The following DSC1 variants were observed in gnomAD, a reference collection of about 807,000 sequenced individuals.
DSC1 encodes desmocollin 1.
A neutral mutation model predicts 98.8 loss-of-function variants in DSC1; 79 were observed. That is an observed-to-expected ratio of 0.80 (90% CI 0.67 to 0.96). The LOEUF is 0.96. DSC1 is among the 50% of genes least tolerant of loss of function. DSC1 has a pLI of 0.00. For synonymous variants in DSC1, 405 were observed against 372.1 expected, an observed-to-expected ratio of 1.09 and a Z score of -1.02; for missense variants, 1,115 against 1,075.9, an observed-to-expected ratio of 1.04 and a Z score of -0.51.
intron 11 of DSC1, among the ~76,000 whole-genome samples, chr18:31,137,399 C>T (rs1988634400): frequency 1.3e-5 from 2 of 152,186 alleles, no homozygotes; most frequent in South Asian, 4.1e-4. Flanking sequence ...TTCCCAAGTG[C>T]TAATTATGTC....
intron 8 of DSC1, 29 bp downstream of exon 8, chr18:31,143,628 T>C (rs1174091024): frequency 6.8e-7 from 1 of 1,473,528 alleles, no homozygotes; most frequent in Non-Finnish European, 9.0e-7. Flanking sequence ...TAGATAAATC[T>C]AGATGAATGA....
chr18:31,141,038 T>A (rs766547375), intron 9 of DSC1, among the ~76,000 whole-genome samples: 1 of 152,166 alleles, frequency 6.6e-6, no homozygotes, highest in Non-Finnish European at 1.5e-5. Context: ...ATGTGAGAAG[T>A]GCCTTTTGCC....
intron 9 of DSC1, 21 bp from the exon 10 acceptor site, chr18:31,140,322 A>G: frequency 5.6e-6 from 9 of 1,608,766 alleles, no homozygotes; most frequent in Non-Finnish European, 6.8e-6. Flanking sequence ...AGCATACTTT[A>G]ATAAGTCAAT....
chr18:31,150,208 C>CGCT, intron 5 of DSC1, among the ~76,000 whole-genome samples: 1 of 149,004 alleles, frequency 6.7e-6, no homozygotes, highest in East Asian at 2.0e-4. Context: ...TCACCACCAC[C>CGCT]ACCACCATCA....
At chr18:31,142,517 C>T (rs937983116) in intron 8 of DSC1, among the ~76,000 whole-genome samples, 13 of 152,120 alleles carry the variant, frequency 8.5e-5, no homozygotes, top group African/African-American at 3.1e-4. Context: ...ACACAGTAAA[C>T]ACTTAATAAA....
Position 31,143,774 on chromosome 18 carries a change from C to A in DSC1, c.957G>T (p.Gln319His). 1 of 1,594,964 alleles carries A rather than the reference C, an allele frequency of 6.3e-7. No homozygotes were observed. Among genetic ancestry groups the A allele is most frequent in the Non-Finnish European group, 8.5e-7 (1 of 1,171,308 alleles). Residue 319 changes from glutamine to histidine, a missense_variant, in exon 8 of 16, where the codon CAG (glutamine) becomes CAT (histidine). By Grantham distance (24) the Gln-to-His change is conservative (BLOSUM62 0). Transcript: ENST00000257198. ...CCATGTCTCGCACTTCCATTATTAA[C>A]TGGTAAGTATCACATTTCTGAAAAA... Reference protein sequence around the residue: ...FLDREKCDTYQLIMEVRDMGG... With the variant: ...FLDREKCDTYHLIMEVRDMGG...
chr18:31,140,431 T>A, intron 9 of DSC1, 130 bp from the exon 10 acceptor site: 2 of 946,820 alleles, frequency 2.1e-6, no homozygotes, highest in Non-Finnish European at 2.9e-6. Context: ...CTAATACAGT[T>A]AAAGACCAAC....
chr18:31,157,561 T>A lies in DSC1; in HGVS notation c.161A>T (p.Glu54Val). ...ETLVGKVNLE[E>V]CLKSASLIRS... ...GATTAGGCTGGCCGACTTGAGACAC[T>A]CCTCCAGATTCACTGCAGGGAAGAA... The change falls in exon 3 of 16, where the codon GAG (glutamate) becomes GTG (valine). Residue 54 changes from glutamate (E) to valine (V), a missense_variant. By Grantham distance (121) the Glu-to-Val change is moderately radical. Coordinates refer to ENST00000257198, the MANE Select transcript of DSC1 (RefSeq NM_024421.2). 1 of 1,614,124 alleles carries A rather than the reference T, an allele frequency of 6.2e-7. No homozygotes were observed. Among genetic ancestry groups the A allele is most frequent in the Non-Finnish European group, 8.5e-7 (1 of 1,180,004 alleles).
intron 1 of DSC1, among the ~76,000 whole-genome samples, chr18:31,160,054 C>A (rs1251732222): frequency 3.3e-5 from 5 of 152,046 alleles, no homozygotes; most frequent in Admixed American, 3.3e-4. Context: ...ACTGACTTGG[C>A]CAAAACGCCA....
chr18:31,145,517 G>A lies in DSC1; in HGVS notation c.939+94C>T. 5.0e-6 allele frequency: 7 copies of A among 1,388,656 alleles called. No individual in the cohort carries two copies. In the South Asian group the frequency reaches 7.9e-5, roughly 16 times the overall value. The allele number at this position is 1,388,656 out of a possible 1,614,324, so 86.0% of individuals were successfully genotyped here. A position where few individuals can be genotyped will look rare whatever the true frequency, so the allele number is the denominator to read the frequency against. ...CAGCCTACAGAAGCATGCTGAGAAA[G>A]GAGGCCAGACTGGCCATATTGCAAC... On this transcript the variant is annotated intron_variant, in intron 7 of 15. Coordinates refer to ENST00000257198, the MANE Select transcript of DSC1 (RefSeq NM_024421.2).
chr18:31,157,777 C>A (rs574310860), intron 2 of DSC1, among the ~76,000 whole-genome samples: 1 of 152,190 alleles, frequency 6.6e-6, no homozygotes, highest in Non-Finnish European at 1.5e-5. Flanking sequence ...CCACTACCTT[C>A]GTCATACATT....
chr18:31,154,262 G>C (rs900705258), intron 5 of DSC1, among the ~76,000 whole-genome samples: 45 of 140,884 alleles, frequency 3.2e-4, no homozygotes, highest in African/African-American at 1.2e-3. Context: ...GAAGAATAGT[G>C]AGAGAAAGGG....
chr18:31,145,798 G>T lies in DSC1; in HGVS notation c.773-21C>A, dbSNP rs377539413. On this transcript the variant is annotated intron_variant, in intron 6 of 15. Coordinates refer to ENST00000257198, the MANE Select transcript of DSC1 (RefSeq NM_024421.2). Reference sequence around the variant, plus strand: ...AGTTCCTGTTTAGATAAATCCAAAAGTGTCAAAAATTTCTACTCATATAAT... The same window carrying T: ...AGTTCCTGTTTAGATAAATCCAAAATTGTCAAAAATTTCTACTCATATAAT... 1.4e-5 allele frequency: 22 copies of T among 1,595,756 alleles called. No individual in the cohort carries two copies. The African/African-American group carries it at 2.7e-4, about 20-fold the overall frequency.
Position 31,140,116 on chromosome 18 carries a change from A to G in DSC1, c.1446T>C (p.Asp482=), listed in dbSNP as rs138344070. 2 of 1,614,046 alleles carry G rather than the reference A, an allele frequency of 1.2e-6. No individual in the cohort carries two copies. Among genetic ancestry groups the G allele is most frequent in the Non-Finnish European group, 1.7e-6 (2 of 1,179,944 alleles). Residue 482 remains aspartate (D), a synonymous_variant, in exon 10 of 16, where the codon GAT becomes GAC. Transcript: ENST00000257198. Reference sequence around the variant, plus strand: ...GGAGTTCTTGGCCAGCTGGGAAGCCATCTTGACTCTGAATAACTTTCACTG... The same window carrying G: ...GGAGTTCTTGGCCAGCTGGGAAGCCGTCTTGACTCTGAATAACTTTCACTG... ...HPPVKVIQSQ[D]GFPAGQELLG...
chr18:31,145,800 G>A, intron 6 of DSC1, 23 bp from the exon 7 acceptor site: 1 of 1,592,612 alleles, frequency 6.3e-7, no homozygotes, highest in South Asian at 1.1e-5. Context: ...ATCCAAAAGT[G>A]TCAAAAATTT....
chr18:31,155,494 G>A (rs1020297576), intron 4 of DSC1, among the ~76,000 whole-genome samples: 6 of 152,104 alleles, frequency 3.9e-5, no homozygotes, highest in Non-Finnish European at 7.4e-5. Flanking sequence ...GCTGGGCTTC[G>A]TGGTGGGTGT....
Position 31,157,440 on chromosome 18 carries a change from A to C in DSC1, c.282T>G (p.Ile94Met), listed in dbSNP as rs1345797045. ...ILSSERKSFS[I>M]FLSDGQRREQ... ...CCCGTCTCTGACCATCTGAAAGGAAAATGGAAAAACTTTTCCTTTCAGAAG... is the reference window on the plus strand; with the variant it reads ...CCCGTCTCTGACCATCTGAAAGGAACATGGAAAAACTTTTCCTTTCAGAAG... The change falls in exon 3 of 16, where the codon ATT becomes ATG. Residue 94 changes from isoleucine to methionine, a missense_variant. Physicochemically the swap from Ile to Met is conservative, Grantham distance 10 (BLOSUM62 1). Transcript: ENST00000257198. The C allele has an allele frequency of 5.6e-6, 9 of 1,614,104 alleles. No individual in the cohort carries two copies. Among genetic ancestry groups the C allele is most frequent in the Non-Finnish European group, 7.6e-6 (9 of 1,180,054 alleles).
chr18:31,136,527 C>G (rs1744141974), intron 11 of DSC1, among the ~76,000 whole-genome samples: 1 of 152,130 alleles, frequency 6.6e-6, no homozygotes, highest in Non-Finnish European at 1.5e-5. Context: ...ATGAAAGATG[C>G]TTGAAATGAT....
chr18:31,158,941 G>A (rs1221044732), intron 2 of DSC1, among the ~76,000 whole-genome samples: 6 of 150,762 alleles, frequency 4.0e-5, no homozygotes, highest in Admixed American at 1.3e-4. Flanking sequence ...GGCAAGAGAA[G>A]TATACAACTA....
Sources: allele counts gnomAD v4.1 joint callset (sites outside exome capture counted in the v4.1 genomes callset), GRCh38; gene constraint gnomAD v4.1.1; transcripts MANE v1.5; gene names NCBI Gene and HGNC (gene_info 2026-07-23, HGNC 2026-07-21).